The following ENOX1 variants were observed in gnomAD, a reference collection of about 807,000 sequenced individuals.
ENOX1 encodes ecto-NOX disulfide-thiol exchanger 1.
In ENOX1, 42 loss-of-function variants were observed where a neutral mutation model predicts 82.5. The ratio of observed to expected loss-of-function variants is 0.51; its 90% CI spans 0.40 to 0.66. The LOEUF (loss-of-function observed/expected upper bound fraction) is 0.66, where lower values mean the gene tolerates loss of function less well. Among genes scored for constraint, ENOX1 ranks in the 30% least tolerant of loss-of-function variants. The pLI is 0.00. For missense variants in ENOX1, 608 were observed against 811.6 expected (o/e 0.75, Z 3.05); for synonymous variants, 271 against 282.2 (o/e 0.96, Z 0.40).
chr13:43,294,995 A>G (rs533363958), intron 12 of ENOX1, among the ~76,000 whole-genome samples: 429 of 152,336 alleles, frequency 2.8e-3, no homozygotes, highest in Non-Finnish European at 4.8e-3. Context: ...AGAGGCAGCG[A>G]GTGCTGGAAC....
At chr13:43,490,832 T>C (rs2076593939) in intron 2 of ENOX1, among the ~76,000 whole-genome samples, 1 of 152,232 alleles carries the variant, frequency 6.6e-6, no homozygotes, top group African/African-American at 2.4e-5. Flanking sequence ...TATTTTGGTA[T>C]AGCAGCACAA....
At chr13:43,714,771 A>T (rs1594534062) in intron 1 of ENOX1, among the ~76,000 whole-genome samples, 1 of 152,010 alleles carries the variant, frequency 6.6e-6, no homozygotes. Flanking sequence ...GGCTTGGTAG[A>T]TCTTCCTCCA....
chr13:43,222,849 C>T (rs919248059), intron 16 of ENOX1, among the ~76,000 whole-genome samples: 3 of 152,252 alleles, frequency 2.0e-5, no homozygotes, highest in African/African-American at 7.2e-5. Flanking sequence ...AATGCTTTCT[C>T]TTTCTTACCT....
chr13:43,484,984 C>T lies in ENOX1; in HGVS notation c.-218-832G>A, dbSNP rs1031306486. ...CTGGCACTGCAAACTTCTCATCTTC[C>T]TCTGGCCCATCCATGTGACCCACAG... is the stretch of plus-strand genomic sequence containing the variant. On this transcript the variant is annotated intron_variant, in intron 2 of 16. Coordinates refer to ENST00000690772, the MANE Select transcript of ENOX1 (RefSeq NM_001347969.2). Among the ~76,000 whole-genome samples the T allele has an allele frequency of 2.6e-5, 4 of 152,178 alleles. No individual in the cohort carries two copies. In the East Asian group the frequency reaches 5.8e-4, roughly 22 times the overall value.
chr13:43,316,120 C>T (rs1024239693), intron 11 of ENOX1, among the ~76,000 whole-genome samples: 5 of 152,200 alleles, frequency 3.3e-5, no homozygotes, highest in Admixed American at 3.3e-4. Context: ...CTCCACCAGG[C>T]TCAAGGGACT....
chr13:43,549,016 A>C lies in ENOX1; in HGVS notation c.-218-64864T>G, dbSNP rs567245809. On this transcript the variant is annotated intron_variant, in intron 2 of 16. Transcript: ENST00000690772. Reference sequence around the variant, plus strand: ...GTAAAGCCCTTTCTGATCCTCCCACAAACTCTGTTTCCCTCTAACACTGAA... The same window carrying C: ...GTAAAGCCCTTTCTGATCCTCCCACCAACTCTGTTTCCCTCTAACACTGAA... 3.9e-5 allele frequency among the ~76,000 whole-genome samples: 6 copies of C among 152,312 alleles called. No homozygotes were observed. The South Asian group carries it at 1.2e-3, about 32-fold the overall frequency.
At chr13:43,274,207 C>A (rs925679452) in intron 12 of ENOX1, among the ~76,000 whole-genome samples, 1 of 152,148 alleles carries the variant, frequency 6.6e-6, no homozygotes, top group African/African-American at 2.4e-5. Context: ...AAATATTTCT[C>A]AACAGGCTAA....
chr13:43,453,912 T>C (rs2057095956), intron 3 of ENOX1, among the ~76,000 whole-genome samples: 1 of 152,130 alleles, frequency 6.6e-6, no homozygotes, highest in South Asian at 2.1e-4. Flanking sequence ...GGAGTAGGTG[T>C]AGATGATGGG....
At chr13:43,645,864 G>C (rs2083874232) in intron 2 of ENOX1, among the ~76,000 whole-genome samples, 1 of 152,184 alleles carries the variant, frequency 6.6e-6, no homozygotes, top group South Asian at 2.1e-4. Context: ...TCTCTACCCT[G>C]TGGTACCTTT....
At chr13:43,708,209 G>C (rs2087446950) in intron 1 of ENOX1, among the ~76,000 whole-genome samples, 1 of 152,212 alleles carries the variant, frequency 6.6e-6, no homozygotes, top group South Asian at 2.1e-4. Context: ...GGTGAGGGAA[G>C]AATGCCTCAA....
intron 2 of ENOX1, among the ~76,000 whole-genome samples, chr13:43,618,130 T>C (rs34853433): frequency 0.079 from 12,060 of 152,158 alleles, 627 homozygotes; most frequent in East Asian, 0.27. Context: ...TTTGTCAGAA[T>C]GTATAGACTG....
Position 43,366,415 on chromosome 13 carries a change from C to T in ENOX1, c.209-4963G>A, listed in dbSNP as rs549671146. ...TCAGCCTCCTGAGTAGCTGGGACTACAGGCGCCCGCCACCATGCCTGGCTA... is the reference window on the plus strand; with the variant it reads ...TCAGCCTCCTGAGTAGCTGGGACTATAGGCGCCCGCCACCATGCCTGGCTA... On this transcript the variant is annotated intron_variant, in intron 5 of 16. Transcript: ENST00000690772. 1.1e-4 allele frequency among the ~76,000 whole-genome samples: 17 copies of T among 152,298 alleles called. No homozygotes were observed. The East Asian group carries it at 3.3e-3, about 29-fold the overall frequency.
In ENOX1 at chr13:43,344,850, A is replaced by T. The variant is rs1261134496; in HGVS notation, c.824-100T>A. ...GACAGAGCATAGTCCAACCTAGTGG[A>T]TATATTTTCAGAACTCAGCAAGTTA... On this transcript the variant is annotated intron_variant, in intron 8 of 16. Coordinates refer to ENST00000690772, the MANE Select transcript of ENOX1 (RefSeq NM_001347969.2). 3 of 1,164,492 alleles carry T rather than the reference A, an allele frequency of 2.6e-6. No individual in the cohort carries two copies. The Admixed American group carries it at 6.8e-5, about 27-fold the overall frequency. The allele number at this position is 1,164,492 out of a possible 1,614,324, so 72.1% of individuals were successfully genotyped here. A position where few individuals can be genotyped will look rare whatever the true frequency, so the allele number is the denominator to read the frequency against.
At chr13:43,242,428 T>C (rs2042882778) in intron 14 of ENOX1, among the ~76,000 whole-genome samples, 1 of 152,282 alleles carries the variant, frequency 6.6e-6, no homozygotes, top group Non-Finnish European at 1.5e-5. Context: ...TCCCTTTCTT[T>C]CATTCTCGTG....
intron 2 of ENOX1, among the ~76,000 whole-genome samples, chr13:43,566,914 T>G (rs1259433003): frequency 6.6e-6 from 1 of 152,130 alleles, no homozygotes; most frequent in Non-Finnish European, 1.5e-5. Context: ...GCAATTCTTA[T>G]AGCTAAAGCC....
intron 2 of ENOX1, among the ~76,000 whole-genome samples, chr13:43,523,522 C>T (rs4142313): frequency 0.35 from 52,473 of 152,074 alleles, 10,789 homozygotes; most frequent in East Asian, 0.81. Flanking sequence ...TGAACAAGGA[C>T]TGTGAACGGG....
At chr13:43,297,561 T>C (rs562414883) in intron 12 of ENOX1, among the ~76,000 whole-genome samples, 19 of 152,324 alleles carry the variant, frequency 1.2e-4, no homozygotes, top group African/African-American at 4.6e-4. Context: ...AGGTACCAAT[T>C]GACGTTTTCA....
intron 13 of ENOX1, among the ~76,000 whole-genome samples, chr13:43,267,588 C>T (rs926150274): frequency 3.3e-5 from 5 of 152,222 alleles, no homozygotes; most frequent in African/African-American, 1.2e-4. Flanking sequence ...AAACTGTTTA[C>T]GCATAGAGTT....
chr13:43,412,739 G>T (rs1594423130), intron 4 of ENOX1, 106 bp downstream of exon 4: 1 of 1,296,878 alleles, frequency 7.7e-7, no homozygotes, highest in East Asian at 2.4e-5. Context: ...TTTCTTTATG[G>T]GCCCAGGCTC....
Sources: gnomAD v4.1 joint callset for allele counts (sites outside exome capture counted in the v4.1 genomes callset) on GRCh38, gnomAD v4.1.1 for gene constraint, MANE v1.5 for transcripts, NCBI Gene and HGNC (gene_info 2026-07-23, HGNC 2026-07-21) for gene names.